Variants in WDR25 observed in about 807,000 individuals in gnomAD.
WDR25 encodes the protein WD repeat-containing protein 25.
A neutral mutation model predicts 47.7 loss-of-function variants in WDR25; 35 were observed. The ratio of observed to expected loss-of-function variants is 0.73; its 90% CI spans 0.56 to 0.97. The LOEUF is 0.97. Among genes scored for constraint, WDR25 ranks in the 50% least tolerant of loss-of-function variants. WDR25 has a pLI of 0.00. For synonymous variants in WDR25, 248 were observed against 278.9 expected, an observed-to-expected ratio of 0.89 and a Z score of 1.10; for missense variants, 634 against 704.7, an observed-to-expected ratio of 0.90 and a Z score of 1.14.
intron 4 of WDR25, among the ~76,000 whole-genome samples, chr14:100,524,065 C>T (rs1834823715): frequency 6.6e-6 from 1 of 152,104 alleles, no homozygotes; most frequent in Admixed American, 6.5e-5. Flanking sequence ...TGTTTCCCAG[C>T]CATTCACTTT....
At chr14:100,484,194 C>T (rs111376842) in intron 4 of WDR25, 70 bp downstream of exon 4, 20 of 1,545,394 alleles carry the variant, frequency 1.3e-5, no homozygotes, top group Middle Eastern at 1.7e-4. Flanking sequence ...TAATTGGGGG[C>T]AGGTCAGCAT....
At chr14:100,417,984 C>T (rs1897917675) in intron 2 of WDR25, among the ~76,000 whole-genome samples, 1 of 151,696 alleles carries the variant, frequency 6.6e-6, no homozygotes, top group Non-Finnish European at 1.5e-5. Context: ...CTCTGTCGCC[C>T]AGGCTGGAGT....
intron 2 of WDR25, among the ~76,000 whole-genome samples, chr14:100,416,154 A>G (rs1210084249): frequency 1.3e-5 from 2 of 152,156 alleles, no homozygotes; most frequent in Non-Finnish European, 2.9e-5. Context: ...ACTTAGAGGT[A>G]GTTCTTTATC....
chr14:100,415,828 G>C (rs1419768595), intron 2 of WDR25, among the ~76,000 whole-genome samples: 3 of 152,208 alleles, frequency 2.0e-5, no homozygotes, highest in Admixed American at 6.5e-5. Context: ...CCTTCTGCTA[G>C]TATGTATGAA....
intron 2 of WDR25, among the ~76,000 whole-genome samples, chr14:100,457,966 A>T (rs1378374671): frequency 6.6e-6 from 1 of 152,226 alleles, no homozygotes; most frequent in Non-Finnish European, 1.5e-5. Context: ...ATAACAAAAG[A>T]TATTCAATGC....
chr14:100,396,648 A>G (rs1050385197), intron 2 of WDR25, among the ~76,000 whole-genome samples: 10 of 152,332 alleles, frequency 6.6e-5, no homozygotes, highest in Middle Eastern at 3.4e-3. Flanking sequence ...CTCAGAGGAA[A>G]GGCAGTTAGC....
rs2030046976 is a variant in WDR25 at position 100,525,028 on chromosome 14, CG to C, written c.1102-840del. The stretch of plus-strand genomic sequence containing the variant: ...TGTTTATGCTGCAGCCACATGGTGG[CG>C]GCCCAGGAACTGGTAAAGGGACCGG... On this transcript the variant is annotated intron_variant, in intron 4 of 6. Coordinates refer to ENST00000402312, the MANE Select transcript of WDR25 (RefSeq NM_001161476.3). This position sits in a 1 kb window ranked among gnomAD's most constrained non-coding sequence, Gnocchi z 4.6. Among the ~76,000 whole-genome samples the C allele has an allele frequency of 6.6e-6, 1 of 152,214 alleles. No homozygotes were observed. The highest frequency in any genetic ancestry group is 2.4e-5 in the African/African-American group (1 of 41,452).
At chr14:100,485,620 G>C (rs2140323058) in intron 4 of WDR25, among the ~76,000 whole-genome samples, 1 of 152,332 alleles carries the variant, frequency 6.6e-6, no homozygotes, top group Non-Finnish European at 1.5e-5. Context: ...CAACAGTGGG[G>C]AGCCACGGGA....
intron 2 of WDR25, among the ~76,000 whole-genome samples, chr14:100,456,325 C>T (rs2140275585): frequency 6.6e-6 from 1 of 152,236 alleles, no homozygotes; most frequent in East Asian, 1.9e-4. Flanking sequence ...AGTACTCAGC[C>T]TCCTGAATTT....
At chr14:100,387,084 C>T (rs963092006) in intron 2 of WDR25, among the ~76,000 whole-genome samples, 1 of 151,666 alleles carries the variant, frequency 6.6e-6, no homozygotes, top group Admixed American at 6.6e-5. Flanking sequence ...CTCTGATCCC[C>T]TAGTTCCTCA....
chr14:100,450,705 A>G (rs1465799554), intron 2 of WDR25, among the ~76,000 whole-genome samples: 1 of 152,208 alleles, frequency 6.6e-6, no homozygotes, highest in Non-Finnish European at 1.5e-5. Flanking sequence ...AAGGTATAAC[A>G]TTATTACTAC....
chr14:100,512,358 C>T (rs1291578395), intron 4 of WDR25, among the ~76,000 whole-genome samples: 1 of 152,126 alleles, frequency 6.6e-6, no homozygotes. Flanking sequence ...TTGTCCATTT[C>T]ATCAAAGTTG....
intron 2 of WDR25, among the ~76,000 whole-genome samples, chr14:100,431,930 G>A (rs1464214155): frequency 6.6e-6 from 1 of 152,082 alleles, no homozygotes; most frequent in Non-Finnish European, 1.5e-5. Flanking sequence ...GGCTGGTCCC[G>A]AACTACTGAC....
intron 2 of WDR25, among the ~76,000 whole-genome samples, chr14:100,408,642 A>G (rs1346204142): frequency 2.0e-5 from 3 of 152,202 alleles, no homozygotes; most frequent in Admixed American, 6.5e-5. Flanking sequence ...GAGCCACGCA[A>G]GTGTTTGGTG....
chr14:100,437,333 C>T (rs191047500), intron 2 of WDR25, among the ~76,000 whole-genome samples: 4 of 152,258 alleles, frequency 2.6e-5, no homozygotes, highest in African/African-American at 7.2e-5. Context: ...TTAGCAAGAC[C>T]CAGACCCATA....
chr14:100,463,154 A>C, intron 2 of WDR25, among the ~76,000 whole-genome samples: 1 of 134,044 alleles, frequency 7.5e-6, no homozygotes, highest in South Asian at 2.4e-4. Context: ...CCTCTCCCCA[A>C]TTCCTCCATC....
In WDR25 at chr14:100,425,129, T is replaced by G. The variant is rs555714126; in HGVS notation, c.823-42892T>G. ...AGGCAGCCAGGATTTTTCTAAAAAC[T>G]GTGCACCTGGGTGTGTCCCTTGCTG... On this transcript the variant is annotated intron_variant, in intron 2 of 6. Coordinates refer to ENST00000402312, the MANE Select transcript of WDR25 (RefSeq NM_001161476.3). The surrounding 1 kb of genome is among the most constrained non-coding windows in gnomAD (Gnocchi z 4.8). Among the ~76,000 whole-genome samples, 73 of 152,366 alleles carry G rather than the reference T, an allele frequency of 4.8e-4. No homozygotes were observed. Among genetic ancestry groups the G allele is most frequent in the African/African-American group, 1.7e-3 (69 of 41,600 alleles).
intron 3 of WDR25, among the ~76,000 whole-genome samples, chr14:100,480,574 A>G (rs1900166388): frequency 6.6e-6 from 1 of 152,208 alleles, no homozygotes; most frequent in Non-Finnish European, 1.5e-5. Context: ...TGGAGAGAAC[A>G]TTTTGAAAAC....
At chr14:100,441,204 C>G (rs926438575) in intron 2 of WDR25, among the ~76,000 whole-genome samples, 1 of 152,198 alleles carries the variant, frequency 6.6e-6, no homozygotes, top group Non-Finnish European at 1.5e-5. Flanking sequence ...ATTTACCACA[C>G]AGTCATCAAA....
Sources: allele counts gnomAD v4.1 joint callset (sites outside exome capture counted in the v4.1 genomes callset), GRCh38; gene constraint gnomAD v4.1.1; non-coding constraint Gnocchi (gnomAD v3.1); transcripts MANE v1.5; gene names NCBI Gene and HGNC (gene_info 2026-07-23, HGNC 2026-07-21).